The following RABGAP1L variants were observed in gnomAD, a reference collection of about 807,000 sequenced individuals.
The protein encoded by RABGAP1L is rab GTPase-activating protein 1-like.
Under a neutral mutation model 137.7 loss-of-function variants are expected in RABGAP1L, and 63 were observed. The observed-to-expected ratio is 0.46, with a 90% CI of 0.37 to 0.56. The LOEUF (loss-of-function observed/expected upper bound fraction) is 0.56, where lower values mean the gene tolerates loss of function less well. RABGAP1L is among the 20% of genes least tolerant of loss of function. The pLI is 0.00. For missense variants in RABGAP1L, 1,095 were observed against 1,244.0 expected (o/e 0.88, Z 1.80); for synonymous variants, 431 against 433.7 (o/e 0.99, Z 0.08).
At chr1:174,571,177 A>G (rs1285673149) in intron 13 of RABGAP1L, among the ~76,000 whole-genome samples, 2 of 152,192 alleles carry the variant, frequency 1.3e-5, no homozygotes, top group African/African-American at 4.8e-5. Flanking sequence ...ACAGAAAGAC[A>G]AACATCACAG....
In RABGAP1L at chr1:174,529,798, T is replaced by G. The variant is rs187034273; in HGVS notation, c.1711-107577T>G. ...CTGCAATGGGATGAACAGGCCAGTC[T>G]CCAAGCCCTCAGGCAGCATGTGCTT... On this transcript the variant is annotated intron_variant, in intron 13 of 25. Coordinates refer to ENST00000681986, the MANE Select transcript of RABGAP1L (RefSeq NM_001366446.1). 2.9e-3 allele frequency among the ~76,000 whole-genome samples: 439 copies of G among 152,254 alleles called. 1 individual carries two copies. The highest frequency in any genetic ancestry group is 9.7e-3 in the African/African-American group (405 of 41,552).
chr1:174,555,373 T>C (rs1666805703), intron 13 of RABGAP1L, among the ~76,000 whole-genome samples: 1 of 152,236 alleles, frequency 6.6e-6, no homozygotes, highest in African/African-American at 2.4e-5. Flanking sequence ...ATTAGCTTTA[T>C]GGCAAAAGCC....
chr1:174,302,205 G>A (rs1379591958), intron 10 of RABGAP1L, among the ~76,000 whole-genome samples: 1 of 152,182 alleles, frequency 6.6e-6, no homozygotes, highest in South Asian at 2.1e-4. Flanking sequence ...GGACACAGAA[G>A]CCACTTTTGC....
rs1310341422 is a variant in RABGAP1L at position 174,220,991 on chromosome 1, A to G, written c.158A>G (p.Glu53Gly). 1.4e-5 allele frequency: 23 copies of G among 1,611,090 alleles called. No individual in the cohort carries two copies. Among genetic ancestry groups the G allele is most frequent in the Non-Finnish European group, 2.0e-5 (23 of 1,178,644 alleles). Residue 53 changes from glutamate (E) to glycine (G), a missense_variant, in exon 3 of 26, where the codon GAA (glutamate) becomes GGA (glycine). Glu to Gly is a moderately conservative substitution (Grantham distance 98). This residue lies in a region of RABGAP1L where 356 missense variants were observed against 326.3 expected (regional missense o/e 1.09). Transcript: ENST00000681986. ...CTGTAGATAGTTTCTAATGGTGATG[A>G]ACAATTGGAAAAAGCCATGGAAGAG... ...PQLKIVSNGD[E>G]QLEKAMEEIL...
At chr1:174,566,116 C>G (rs1667566441) in intron 13 of RABGAP1L, among the ~76,000 whole-genome samples, 2 of 152,068 alleles carry the variant, frequency 1.3e-5, no homozygotes, top group Non-Finnish European at 2.9e-5. Context: ...TTTATTGAGT[C>G]TTTTTTCTGT....
At chr1:174,610,656 A>G (rs1480201080) in intron 13 of RABGAP1L, among the ~76,000 whole-genome samples, 1 of 152,040 alleles carries the variant, frequency 6.6e-6, no homozygotes, top group Non-Finnish European at 1.5e-5. Context: ...GTTGAACTAG[A>G]TTACAGTCCC....
At chr1:174,960,217 G>C (rs1353502063) in intron 20 of RABGAP1L, among the ~76,000 whole-genome samples, 1 of 152,146 alleles carries the variant, frequency 6.6e-6, no homozygotes, top group Non-Finnish European at 1.5e-5. Flanking sequence ...TATATAATAA[G>C]ATATTTTAAG....
intron 11 of RABGAP1L, among the ~76,000 whole-genome samples, chr1:174,310,772 T>C (rs1170782311): frequency 5.3e-5 from 8 of 152,172 alleles, no homozygotes; most frequent in Admixed American, 5.2e-4. Context: ...GGTATTTTGG[T>C]AAAGAATGCA....
rs1671819566 is a variant in RABGAP1L at position 174,988,720 on chromosome 1, A to G, written c.2885A>G (p.Glu962Gly). Residue 962 changes from glutamate (E) to glycine (G), a missense_variant, in exon 25 of 26, where the codon GAG (glutamate) becomes GGG (glycine). Coordinates refer to ENST00000681986, the MANE Select transcript of RABGAP1L (RefSeq NM_001366446.1). Reference protein sequence around the residue: ...GALKLAATGREDQGIETDDEK... With the variant: ...GALKLAATGRGDQGIETDDEK... Reference sequence around the variant, plus strand: ...TTGAAACTAGCAGCCACAGGCAGAGAGGACCAGGGAATTGAAACAGATGAT... The same window carrying G: ...TTGAAACTAGCAGCCACAGGCAGAGGGGACCAGGGAATTGAAACAGATGAT... The G allele has an allele frequency of 1.3e-6, 2 of 1,549,224 alleles. No homozygotes were observed. The highest frequency in any genetic ancestry group is 3.9e-5 in the Admixed American group (2 of 50,788).
chr1:174,329,398 GA>G (rs1474623663), intron 11 of RABGAP1L, among the ~76,000 whole-genome samples: 1 of 152,166 alleles, frequency 6.6e-6, no homozygotes, highest in Non-Finnish European at 1.5e-5. Flanking sequence ...CTGAATTCTA[GA>G]AAACATTTGA....
intron 13 of RABGAP1L, among the ~76,000 whole-genome samples, chr1:174,632,920 G>A (rs940168917): frequency 2.6e-5 from 4 of 151,998 alleles, no homozygotes; most frequent in African/African-American, 7.3e-5. Context: ...ATCCGGCTTT[G>A]TTCCGTTGCT....
At chr1:174,533,064 C>T (rs1031355395) in intron 13 of RABGAP1L, among the ~76,000 whole-genome samples, 3 of 152,150 alleles carry the variant, frequency 2.0e-5, no homozygotes, top group Non-Finnish European at 4.4e-5. Flanking sequence ...GAAACCCTGT[C>T]TCTACTAAAA....
chr1:174,851,247 C>T (rs1282988079), intron 19 of RABGAP1L, among the ~76,000 whole-genome samples: 1 of 152,192 alleles, frequency 6.6e-6, no homozygotes, highest in Non-Finnish European at 1.5e-5. Context: ...TACATGTGGG[C>T]TTTCAGAGGC....
In RABGAP1L at chr1:174,901,598, A is replaced by T. The variant is rs527510143; in HGVS notation, c.2341-55859A>T. 2.6e-5 allele frequency among the ~76,000 whole-genome samples: 4 copies of T among 152,156 alleles called. No homozygotes were observed. The East Asian group carries it at 5.8e-4, about 22-fold the overall frequency. On this transcript the variant is annotated intron_variant, in intron 19 of 25. Transcript: ENST00000681986. ...GAGATTTGGGTGGGGACACAGCCAA[A>T]CCATATCAGGTTACAACATGCTCCT...
intron 20 of RABGAP1L, chr1:174,958,339 T>G: frequency 2.2e-6 from 1 of 449,718 alleles, no homozygotes. Flanking sequence ...AGCAACACTG[T>G]TCCCAGGATG....
chr1:174,849,688 T>A (rs1466596302), intron 19 of RABGAP1L: 3 of 431,636 alleles, frequency 7.0e-6, no homozygotes, highest in Non-Finnish European at 1.4e-5. Context: ...ATTGTATTGC[T>A]TTCTTGTCTT....
At chr1:174,507,617 G>A (rs1466635985) in intron 13 of RABGAP1L, among the ~76,000 whole-genome samples, 1 of 151,210 alleles carries the variant, frequency 6.6e-6, no homozygotes, top group African/African-American at 2.4e-5. Context: ...AAGCAAAAAA[G>A]AAAAAAAATC....
intron 13 of RABGAP1L, among the ~76,000 whole-genome samples, chr1:174,504,751 C>G (rs1291000811): frequency 5.9e-5 from 9 of 152,082 alleles, no homozygotes; most frequent in African/African-American, 1.9e-4. Flanking sequence ...AATGTAAAAC[C>G]TGAAACTGTA....
intron 13 of RABGAP1L, among the ~76,000 whole-genome samples, chr1:174,603,382 C>T (rs1670554987): frequency 6.6e-6 from 1 of 152,158 alleles, no homozygotes; most frequent in Non-Finnish European, 1.5e-5. Flanking sequence ...GCTACCATCA[C>T]TTGGACTGTG....
Sources: gnomAD v4.1 joint callset for allele counts (sites outside exome capture counted in the v4.1 genomes callset) on GRCh38, gnomAD v4.1.1 for gene constraint, gnomAD v4.1.1 regional missense constraint, MANE v1.5 for transcripts, NCBI Gene and HGNC (gene_info 2026-07-23, HGNC 2026-07-21) for gene names.